Variants in TEX261 observed in about 807,000 individuals in gnomAD.
TEX261 encodes testis expressed 261.
A neutral mutation model predicts 25.1 loss-of-function variants in TEX261; 13 were observed. That is an observed-to-expected ratio of 0.52 (90% confidence interval 0.34 to 0.82). TEX261 has a LOEUF of 0.82. Among genes scored for constraint, TEX261 ranks in the 40% least tolerant of loss-of-function variants. The pLI is 0.02. For synonymous variants in TEX261, 92 were observed against 97.8 expected (o/e 0.94, Z 0.35); for missense variants, 206 against 243.2 (o/e 0.85, Z 1.02).
At position 70,991,880 on chromosome 2, in the gene TEX261, T is replaced by C. The variant is rs1210386130; in HGVS notation, c.254A>G (p.Gln85Arg). ...FTNLVYFGLLQTFPFIMLTSP... is the reference protein window; with the variant it reads ...FTNLVYFGLLRTFPFIMLTSP... The stretch of plus-strand genomic sequence containing the variant: ...GGTCAGCATGATGAAGGGGAAGGTC[T>C]GGAGGAGGCCAAAGTAGACGAGGTT... Residue 85 changes from glutamine to arginine, a missense_variant, in exon 3 of 6, where the codon CAG becomes CGG. Physicochemically the swap from Gln to Arg is conservative, Grantham distance 43. Coordinates refer to ENST00000272438, the MANE Select transcript of TEX261 (RefSeq NM_144582.3). 21 of 1,613,818 alleles carry C rather than the reference T, an allele frequency of 1.3e-5. No individual in the cohort carries two copies. The highest frequency in any genetic ancestry group is 1.7e-5 in the Non-Finnish European group (20 of 1,179,952).
At chr2:70,989,453 G>C (rs1323430243) in intron 4 of TEX261, 1 of 436,784 alleles carries the variant, frequency 2.3e-6, no homozygotes, top group Non-Finnish European at 4.2e-6. Flanking sequence ...TGCCCTGTGA[G>C]GACTGTGTCA....
At chr2:70,991,753 T>C in intron 3 of TEX261, 77 bp downstream of exon 3, 1 of 1,530,444 alleles carries the variant, frequency 6.5e-7, no homozygotes, top group Non-Finnish European at 8.8e-7. Flanking sequence ...CCTTTTTCTG[T>C]ATCCCCTTTA....
At chr2:70,992,849 A>T (rs1670330500) in intron 2 of TEX261, among the ~76,000 whole-genome samples, 1 of 152,176 alleles carries the variant, frequency 6.6e-6, no homozygotes, top group African/African-American at 2.4e-5. Flanking sequence ...AAAAATGCTG[A>T]TTGTGACCTA....
At chr2:70,993,205 G>C (rs1343093078) in intron 2 of TEX261, among the ~76,000 whole-genome samples, 3 of 152,248 alleles carry the variant, frequency 2.0e-5, no homozygotes, top group Non-Finnish European at 4.4e-5. Context: ...TCAGTGGCAA[G>C]GACTGTGTCT....
chr2:70,989,302 G>T (rs769721337), intron 4 of TEX261: 3 of 505,504 alleles, frequency 5.9e-6, no homozygotes, highest in Non-Finnish European at 1.1e-5. Context: ...AGCCATGACT[G>T]ACTGACCCAC....
intron 1 of TEX261, 161 bp downstream of exon 1, chr2:70,994,527 G>T: frequency 2.8e-6 from 3 of 1,060,894 alleles, no homozygotes; most frequent in East Asian, 3.0e-5. Context: ...TGCCAGGCTC[G>T]ACAGGAGGGG....
Position 70,991,819 on chromosome 2 carries a change from TC to T in TEX261, c.304+10del. Reference sequence around the variant, plus strand: ...CACATCAGCTGCCTCCCCAACTCTGTCCCCTCTCACCACACGACAGGATGAA... The same window carrying T: ...CACATCAGCTGCCTCCCCAACTCTGTCCCTCTCACCACACGACAGGATGAA... On this transcript the variant is annotated intron_variant, in intron 3 of 5. Transcript: ENST00000272438. The T allele has an allele frequency of 6.2e-7, 1 of 1,611,922 alleles. No individual in the cohort carries two copies. Among genetic ancestry groups the T allele is most frequent in the Non-Finnish European group, 8.5e-7 (1 of 1,179,096 alleles).
chr2:70,992,684 G>A (rs1171354711), intron 2 of TEX261, among the ~76,000 whole-genome samples: 1 of 151,354 alleles, frequency 6.6e-6, no homozygotes, highest in Non-Finnish European at 1.5e-5. Context: ...AGCTGAGATT[G>A]TGCCACTGCA....
In TEX261 at chr2:70,993,755, C is replaced by T. The variant is rs1553425899; in HGVS notation, c.91G>A (p.Ala31Thr). ...LAVAAGLYYL[A>T]ELIEEYTVAT... ...ACTGTGTATTCTTCTATCAGTTCTG[C>T]CAGGTAATAGAGTCCAGCCGCTGCA... is the stretch of plus-strand genomic sequence containing the variant. Residue 31 changes from alanine to threonine, a missense_variant, in exon 2 of 6, where the codon GCA (alanine) becomes ACA (threonine). Ala to Thr is a moderately conservative substitution (Grantham distance 58, BLOSUM62 0). Transcript: ENST00000272438. 1 of 1,613,122 alleles carries T rather than the reference C, an allele frequency of 6.2e-7. No individual in the cohort carries two copies. The highest frequency in any genetic ancestry group is 2.2e-5 in the East Asian group (1 of 44,894).
In TEX261 at chr2:70,988,459, T is replaced by G; in HGVS notation, c.*141A>C. 1 of 653,154 alleles carries G rather than the reference T, an allele frequency of 1.5e-6. No individual in the cohort carries two copies. 40.5% of individuals were successfully genotyped at this position (653,154 alleles called of 1,614,324 possible). On this transcript the variant is annotated 3_prime_UTR_variant, in exon 6 of 6. Transcript: ENST00000272438. ...GCCAAGCTGAGCCCCCCAAGGAGGGTGGGGATGGGGCTCCAGAGTTGAGGG... is the reference window on the plus strand; with the variant it reads ...GCCAAGCTGAGCCCCCCAAGGAGGGGGGGGATGGGGCTCCAGAGTTGAGGG...
At chr2:70,991,224 A>G (rs1373715735) in intron 3 of TEX261, among the ~76,000 whole-genome samples, 2 of 152,260 alleles carry the variant, frequency 1.3e-5, no homozygotes, top group African/African-American at 2.4e-5. Flanking sequence ...TAGATGGAGA[A>G]GCTAAGGCCC....
intron 2 of TEX261, among the ~76,000 whole-genome samples, chr2:70,992,765 T>C (rs984308244): frequency 1.7e-4 from 26 of 151,954 alleles, no homozygotes; most frequent in Non-Finnish European, 3.1e-4. Flanking sequence ...CATTTTACAC[T>C]GTGACCCCAA....
chr2:70,986,625 CCTGAGTG>C lies in TEX261; in HGVS notation c.*1968_*1974del, dbSNP rs1670190028. On this transcript the variant is annotated 3_prime_UTR_variant, in exon 6 of 6. Transcript: ENST00000272438. ...AATAGAATAAGTTTCCTGTCTGGCT[CCTGAGTG>C]ATCTCGGGGTCAAGGGAAGTACCCA... 1 of 152,422 alleles carries C rather than the reference CCTGAGTG, an allele frequency of 6.6e-6. No individual in the cohort carries two copies. The highest frequency in any genetic ancestry group is 1.5e-5 in the Non-Finnish European group (1 of 68,022). The allele number at this position is 152,422 out of a possible 1,614,324, so 9.4% of individuals were successfully genotyped here. A position where few individuals can be genotyped will look rare whatever the true frequency, so the allele number is the denominator to read the frequency against.
rs1670226476 is a variant in TEX261, at chr2:70,988,220, C to T, written c.*380G>A. ...TTCTGTTGGACATGCCAAGCCATGG[C>T]CCCTCCCCATGGCCACCTGCCCAGA... is the stretch of plus-strand genomic sequence containing the variant. On this transcript the variant is annotated 3_prime_UTR_variant, in exon 6 of 6. Transcript: ENST00000272438. 4 of 209,370 alleles carry T rather than the reference C, an allele frequency of 1.9e-5. No homozygotes were observed. Among genetic ancestry groups the T allele is most frequent in the East Asian group, 1.2e-4 (1 of 8,074 alleles). 13.0% of individuals were successfully genotyped at this position (209,370 alleles called of 1,614,324 possible). A position where few individuals can be genotyped will look rare whatever the true frequency, so the allele number is the denominator to read the frequency against.
chr2:70,989,885 G>T, intron 3 of TEX261, 69 bp from the exon 4 acceptor site: 1 of 1,230,402 alleles, frequency 8.1e-7, no homozygotes, highest in Non-Finnish European at 1.2e-6. Flanking sequence ...AACTTCAAAA[G>T]GCCCTCAGAA....
rs1670375543 is a variant in TEX261 at position 70,994,693 on chromosome 2, G to C, written c.65C>G (p.Ala22Gly). 2 of 1,602,562 alleles carry C rather than the reference G, an allele frequency of 1.2e-6. No individual in the cohort carries two copies. The highest frequency in any genetic ancestry group is 2.7e-5 in the African/African-American group (2 of 74,538). Reference sequence around the variant, plus strand: ...CCGGGGTCGTGCAGTCTCACCGACAGCCAGCGTGATGAAGGCCACCTGGAT... The same window carrying C: ...CCGGGGTCGTGCAGTCTCACCGACACCCAGCGTGATGAAGGCCACCTGGAT... ...LFIQVAFITL[A>G]VAAGLYYLAE... The change falls in exon 1 of 6, where the codon GCT becomes GGT. Residue 22 changes from alanine to glycine, a missense_variant. Transcript: ENST00000272438.
Position 70,989,277 on chromosome 2 carries a change from G to GCTT in TEX261, c.373-261_373-260insAAG, listed in dbSNP as rs1553425340. The GCTT allele has an allele frequency of 2.0e-5, 11 of 542,708 alleles. No individual in the cohort carries two copies. The Admixed American group carries it at 3.4e-4, about 17-fold the overall frequency. The allele number at this position is 542,708 out of a possible 1,614,324, so 33.6% of individuals were successfully genotyped here. A position where few individuals can be genotyped will look rare whatever the true frequency, so the allele number is the denominator to read the frequency against. ...AAGCAACTCCCCTGGACTGAAGGAG[G>GCTT]CAGACAAAGTGCTAAGCCATGACTG... On this transcript the variant is annotated intron_variant, in intron 4 of 5. Coordinates refer to ENST00000272438, the MANE Select transcript of TEX261 (RefSeq NM_144582.3).
At chr2:70,992,146 ATTT>A (rs112462352) in intron 2 of TEX261, among the ~76,000 whole-genome samples, 163 bp from the exon 3 acceptor site, 8 of 136,570 alleles carry the variant, frequency 5.9e-5, no homozygotes, top group Non-Finnish European at 3.2e-5. Context: ...AAAAGGCAAC[ATTT>A]TTTTTTTTTT....
chr2:70,992,970 C>G (rs1670332176), intron 2 of TEX261, among the ~76,000 whole-genome samples: 1 of 152,240 alleles, frequency 6.6e-6, no homozygotes, highest in East Asian at 1.9e-4. Flanking sequence ...GGGCTAATTA[C>G]TGTGCCAACA....
Sources: gnomAD v4.1 joint callset for allele counts (sites outside exome capture counted in the v4.1 genomes callset) on GRCh38, gnomAD v4.1.1 for gene constraint, MANE v1.5 for transcripts, NCBI Gene and HGNC (gene_info 2026-07-23, HGNC 2026-07-21) for gene names.